Variants in CTNNA1 observed in about 807,000 individuals in gnomAD.
The protein encoded by CTNNA1 is catenin alpha 1, also known as catenin alpha-1.
In CTNNA1, 37 loss-of-function variants were observed where a neutral mutation model predicts 98.4. The observed-to-expected ratio is 0.38, with a 90% confidence interval of 0.29 to 0.49. CTNNA1 has a LOEUF of 0.49. Ranked by LOEUF, CTNNA1 falls within the 20% of genes least tolerant of loss-of-function variation. The probability of loss-of-function intolerance (pLI) is 0.95; values close to 1 mark genes in which losing one functional copy is unlikely to be tolerated. For missense variants in CTNNA1, 761 were observed against 1,147.2 expected, an observed-to-expected ratio of 0.66 and a Z score of 4.86; for synonymous variants, 404 against 413.2, an observed-to-expected ratio of 0.98 and a Z score of 0.27.
chr5:138,813,863 C>T (rs1393115184), intron 5 of CTNNA1, among the ~76,000 whole-genome samples: 1 of 152,166 alleles, frequency 6.6e-6, no homozygotes, highest in Non-Finnish European at 1.5e-5. Context: ...AGAGATCCTC[C>T]TACCTCTGCC....
chr5:138,842,860 C>T (rs1762387429), intron 7 of CTNNA1, among the ~76,000 whole-genome samples: 2 of 152,210 alleles, frequency 1.3e-5, no homozygotes. Flanking sequence ...TTGGCCACCT[C>T]TTACTTGCTT....
At chr5:138,825,219 T>C (rs1440188150) in intron 6 of CTNNA1, among the ~76,000 whole-genome samples, 3 of 152,200 alleles carry the variant, frequency 2.0e-5, no homozygotes, top group African/African-American at 7.2e-5. Context: ...GCAGCAAAAG[T>C]ACCATCATTC....
At chr5:138,821,888 C>G (rs922917493) in intron 5 of CTNNA1, among the ~76,000 whole-genome samples, 1 of 152,114 alleles carries the variant, frequency 6.6e-6, no homozygotes, top group African/African-American at 2.4e-5. Flanking sequence ...CATTATATAT[C>G]TTGAAAAGAG....
intron 1 of CTNNA1, among the ~76,000 whole-genome samples, chr5:138,779,716 T>C (rs1297323566): frequency 1.4e-5 from 1 of 69,178 alleles, no homozygotes; most frequent in Non-Finnish European, 2.8e-5. Context: ...GGTTTTTTTT[T>C]GTTTTTGTTT....
intron 3 of CTNNA1, among the ~76,000 whole-genome samples, chr5:138,797,745 A>G (rs1757122183): frequency 6.6e-6 from 1 of 152,074 alleles, no homozygotes; most frequent in Admixed American, 6.5e-5. Context: ...CTTTTGTAGT[A>G]TACTGTAGAA....
At chr5:138,895,211 AT>A (rs1230819230) in intron 9 of CTNNA1, among the ~76,000 whole-genome samples, 1 of 152,142 alleles carries the variant, frequency 6.6e-6, no homozygotes, top group East Asian at 1.9e-4. Flanking sequence ...CAACATTCAG[AT>A]TCCTGGGCTA....
intron 13 of CTNNA1, among the ~76,000 whole-genome samples, chr5:138,928,523 A>C (rs1485021606): frequency 6.6e-6 from 1 of 152,234 alleles, no homozygotes; most frequent in Non-Finnish European, 1.5e-5. Flanking sequence ...AAAGTTATAC[A>C]AATCCGCTTA....
intron 9 of CTNNA1, among the ~76,000 whole-genome samples, chr5:138,897,302 C>G (rs935823013): frequency 2.4e-5 from 2 of 82,274 alleles, no homozygotes; most frequent in South Asian, 1.7e-3. Context: ...GCACCCCCCC[C>G]CCCCCCGCCC....
chr5:138,784,592 T>C (rs1458814757), intron 3 of CTNNA1, among the ~76,000 whole-genome samples: 2 of 152,250 alleles, frequency 1.3e-5, no homozygotes, highest in Non-Finnish European at 2.9e-5. Context: ...TAGGCAGGTA[T>C]ATTAGTTTCC....
At chr5:138,931,014 G>A in intron 16 of CTNNA1, 79 bp downstream of exon 16, 2 of 861,508 alleles carry the variant, frequency 2.3e-6, no homozygotes, top group Admixed American at 1.9e-5. Flanking sequence ...TTCAGGGTAA[G>A]TTTCATGGGC....
At chr5:138,908,987 C>T (rs992706911) in intron 10 of CTNNA1, among the ~76,000 whole-genome samples, 9 of 151,960 alleles carry the variant, frequency 5.9e-5, no homozygotes, top group African/African-American at 1.7e-4. Context: ...TGAATGTGCC[C>T]GTTTTAGTCT....
intron 7 of CTNNA1, chr5:138,875,171 T>C: frequency 2.5e-6 from 1 of 392,912 alleles, no homozygotes; most frequent in South Asian, 5.2e-5. Context: ...TCTCCACCTC[T>C]AACTGCTCAG....
intron 7 of CTNNA1, among the ~76,000 whole-genome samples, chr5:138,834,829 A>G (rs1581205538): frequency 1.3e-5 from 2 of 152,202 alleles, no homozygotes; most frequent in East Asian, 3.8e-4. Context: ...TTTTGAGAGC[A>G]GTAAAGCTTT....
chr5:138,841,251 A>C (rs921997658), intron 7 of CTNNA1, among the ~76,000 whole-genome samples: 1 of 152,006 alleles, frequency 6.6e-6, no homozygotes, highest in Non-Finnish European at 1.5e-5. Flanking sequence ...GTATGTATAT[A>C]TGTATGTATG....
chr5:138,921,644 A>G (rs1339514469), intron 11 of CTNNA1, among the ~76,000 whole-genome samples: 1 of 129,046 alleles, frequency 7.7e-6, no homozygotes, highest in Non-Finnish European at 1.5e-5. Context: ...CTCTGTCACC[A>G]GGCTGGAATG....
At chr5:138,795,487 C>CACTT (rs1484874096) in intron 3 of CTNNA1, among the ~76,000 whole-genome samples, 2 of 151,846 alleles carry the variant, frequency 1.3e-5, no homozygotes, top group Non-Finnish European at 2.9e-5. Flanking sequence ...AAAAAGCTAT[C>CACTT]ACTTGTTGGT....
At chr5:138,837,829 C>T (rs1761940386) in intron 7 of CTNNA1, among the ~76,000 whole-genome samples, 1 of 151,402 alleles carries the variant, frequency 6.6e-6, no homozygotes, top group African/African-American at 2.4e-5. Flanking sequence ...TGCCATTTTG[C>T]CAAGGGTGGT....
chr5:138,875,035 C>G, intron 7 of CTNNA1: 1 of 952,884 alleles, frequency 1.0e-6, no homozygotes, highest in East Asian at 2.4e-5. Flanking sequence ...CCCAGGCTTT[C>G]CAAGTAAAAT....
intron 10 of CTNNA1, among the ~76,000 whole-genome samples, chr5:138,910,750 G>A (rs1760429618): frequency 2.0e-5 from 3 of 152,160 alleles, no homozygotes; most frequent in Admixed American, 2.0e-4. Flanking sequence ...CACGGAGGAT[G>A]TCTCAGGGGA....
Sources: gnomAD v4.1 joint callset for allele counts (sites outside exome capture counted in the v4.1 genomes callset) on GRCh38, gnomAD v4.1.1 for gene constraint, MANE v1.5 for transcripts, NCBI Gene and HGNC (gene_info 2026-07-23, HGNC 2026-07-21) for gene names.